SLC24A1: variants seen among roughly 807,000 people sequenced by gnomAD.
SLC24A1 encodes the protein solute carrier family 24 member 1.
In SLC24A1, 52 loss-of-function variants were observed where a neutral mutation model predicts 88.1. That is an observed-to-expected ratio of 0.59 (90% CI 0.47 to 0.74). The LOEUF is 0.74. SLC24A1 is among the 30% of genes least tolerant of loss of function. The pLI is 0.00. For missense variants in SLC24A1, 1,173 were observed against 1,363.3 expected, an observed-to-expected ratio of 0.86 and a Z score of 2.20; for synonymous variants, 455 against 498.0, an observed-to-expected ratio of 0.91 and a Z score of 1.15.
downstream of SLC24A1, chr15:65,660,322 T>C (rs967233077): frequency 2.6e-6 from 4 of 1,534,218 alleles, no homozygotes; most frequent in African/African-American, 1.4e-5. Context: ...TATTCACTAA[T>C]GGTGTGAACT....
In SLC24A1 at chr15:65,625,136, C is replaced by A. The variant is rs1214916429; in HGVS notation, c.1056C>A (p.Thr352=). ...AWSLRNPSPR[T]SVSAIKTAPA... is the part of the protein sequence containing the mutation. ...GTCTTAGGAATCCTTCACCCAGGAC[C>A]AGTGTATCAGCCATCAAAACAGCCC... Residue 352 remains threonine, a synonymous_variant, in exon 2 of 10, where the codon ACC becomes ACA. Transcript: ENST00000261892. 3.7e-6 allele frequency: 6 copies of A among 1,613,566 alleles called. No homozygotes were observed. The highest frequency in any genetic ancestry group is 5.1e-6 in the Non-Finnish European group (6 of 1,179,884).
intron 9 of SLC24A1, 87 bp downstream of exon 9, chr15:65,652,895 C>CT: frequency 9.2e-7 from 1 of 1,091,648 alleles, no homozygotes; most frequent in Non-Finnish European, 1.3e-6. Flanking sequence ...CTGCTTTATT[C>CT]ATTATACATA....
At chr15:65,637,800 A>C (rs531825082) in intron 2 of SLC24A1, among the ~76,000 whole-genome samples, 1 of 152,302 alleles carries the variant, frequency 6.6e-6, no homozygotes, top group East Asian at 1.9e-4. Flanking sequence ...GAGGAGGGAA[A>C]GAGCATTACG....
At chr15:65,644,632 CTG>C (rs2075245188) in intron 5 of SLC24A1, 119 bp downstream of exon 5, 1 of 676,578 alleles carries the variant, frequency 1.5e-6, no homozygotes. Context: ...TCTTTGGCCT[CTG>C]TGAGCCAGTC....
At position 65,650,339 on chromosome 15, in the gene SLC24A1, C is replaced by T. The variant is rs2075453261; in HGVS notation, c.2233-43C>T. The stretch of plus-strand genomic sequence containing the variant: ...GGGGGAGTAACATAAGGAAAACAAG[C>T]AGAGCAGTTACCACACATTAATCTG... On this transcript the variant is annotated intron_variant, in intron 6 of 9. Coordinates refer to ENST00000261892, the MANE Select transcript of SLC24A1 (RefSeq NM_004727.3). The surrounding 1 kb of genome is among the most constrained non-coding windows in gnomAD (Gnocchi z 4.1). The T allele has an allele frequency of 4.1e-6, 6 of 1,472,484 alleles. No individual in the cohort carries two copies. Among genetic ancestry groups the T allele is most frequent in the Non-Finnish European group, 5.5e-6 (6 of 1,087,760 alleles). 91.2% of individuals were successfully genotyped at this position (1,472,484 alleles called of 1,614,324 possible). A position where few individuals can be genotyped will look rare whatever the true frequency, so the allele number is the denominator to read the frequency against.
Position 65,656,104 on chromosome 15 carries a change from C to T in SLC24A1, c.*2025C>T, listed in dbSNP as rs2075674852. ...TGGGCACTAACCTGGTGTCTGCAGCCCGTTCCCGTTAGCCTCGGGGATGTC... is the reference window on the plus strand; with the variant it reads ...TGGGCACTAACCTGGTGTCTGCAGCTCGTTCCCGTTAGCCTCGGGGATGTC... On this transcript the variant is annotated 3_prime_UTR_variant, in exon 10 of 10. Coordinates refer to ENST00000261892, the MANE Select transcript of SLC24A1 (RefSeq NM_004727.3). The T allele has an allele frequency of 1.0e-6, 1 of 985,292 alleles. No homozygotes were observed. The highest frequency in any genetic ancestry group is 1.2e-6 in the Non-Finnish European group (1 of 829,954). The allele number at this position is 985,292 out of a possible 1,614,324, so 61.0% of individuals were successfully genotyped here. A position where few individuals can be genotyped will look rare whatever the true frequency, so the allele number is the denominator to read the frequency against.
chr15:65,647,309 C>A (rs899470643), intron 6 of SLC24A1, among the ~76,000 whole-genome samples: 8 of 151,824 alleles, frequency 5.3e-5, no homozygotes, highest in Non-Finnish European at 1.2e-4. Context: ...GAAACCCCAT[C>A]TCTACTAAAA....
At position 65,650,981 on chromosome 15, in the gene SLC24A1, A is replaced by G; in HGVS notation, c.2793+39A>G. ...TCTGTATCTCAGACTCTTTATCCCC[A>G]GCAGGGCTGTGGGGTCTCTCGGCAT... On this transcript the variant is annotated intron_variant, in intron 7 of 9. Coordinates refer to ENST00000261892, the MANE Select transcript of SLC24A1 (RefSeq NM_004727.3). This position sits in a 1 kb window ranked among gnomAD's most constrained non-coding sequence, Gnocchi z 4.1. 1 of 1,574,638 alleles carries G rather than the reference A, an allele frequency of 6.4e-7. No homozygotes were observed. The highest frequency in any genetic ancestry group is 8.7e-7 in the Non-Finnish European group (1 of 1,144,262).
downstream of SLC24A1, chr15:65,660,111 A>C: frequency 3.7e-6 from 2 of 535,974 alleles, no homozygotes; most frequent in Non-Finnish European, 3.3e-6. Flanking sequence ...AACATGAAGA[A>C]CAAGTAGAAC....
At chr15:65,640,336 G>A (rs1340494907) in intron 4 of SLC24A1, among the ~76,000 whole-genome samples, 2 of 152,208 alleles carry the variant, frequency 1.3e-5, no homozygotes, top group Admixed American at 6.5e-5. Flanking sequence ...AGTGGGGGCT[G>A]TTGTCCAATT....
Position 65,624,757 on chromosome 15 carries a change from C to T in SLC24A1, c.677C>T (p.Thr226Ile). ...ACAACAGTGAAAGACAGTGACATTA[C>T]AGCAACCTATAAAATACTCGAAACC... ...PRTTVKDSDI[T>I]ATYKILETNS... Residue 226 changes from threonine to isoleucine, a missense_variant, in exon 2 of 10, where the codon ACA (threonine) becomes ATA (isoleucine). Thr to Ile is a moderately conservative substitution (Grantham distance 89). Coordinates refer to ENST00000261892, the MANE Select transcript of SLC24A1 (RefSeq NM_004727.3). The T allele has an allele frequency of 6.2e-7, 1 of 1,613,728 alleles. No individual in the cohort carries two copies. Among genetic ancestry groups the T allele is most frequent in the Non-Finnish European group, 8.5e-7 (1 of 1,179,732 alleles).
chr15:65,645,230 A>C (rs1417759257), intron 5 of SLC24A1, among the ~76,000 whole-genome samples: 1 of 152,192 alleles, frequency 6.6e-6, no homozygotes, highest in Non-Finnish European at 1.5e-5. Flanking sequence ...TCCTGTTCCA[A>C]GGCTTCAAAA....
chr15:65,648,489 T>C (rs937709127), intron 6 of SLC24A1, among the ~76,000 whole-genome samples: 4 of 144,928 alleles, frequency 2.8e-5, no homozygotes, highest in South Asian at 2.1e-4. Flanking sequence ...TTTTATCTCT[T>C]TTTTTTTTTT....
rs868688061 is a variant in SLC24A1 at position 65,615,241 on chromosome 15, T to C, written c.-228+2628T>C. On this transcript the variant is annotated intron_variant, in intron 2 of 11. Transcript: ENST00000537259. ...AAACAAACAAACAAACAAAATGCTA[T>C]GAAGTCTAAATTTTTAAAGGCCCCT... Among the ~76,000 whole-genome samples, 4 of 151,888 alleles carry C rather than the reference T, an allele frequency of 2.6e-5. No individual in the cohort carries two copies. The South Asian group carries it at 6.2e-4, about 24-fold the overall frequency.
At position 65,652,756 on chromosome 15, in the gene SLC24A1, G is replaced by A. The variant is rs759077205; in HGVS notation, c.2998G>A (p.Asp1000Asn). Residue 1000 changes from aspartate (D) to asparagine (N), a missense_variant, in exon 9 of 10, where the codon GAC (aspartate) becomes AAC (asparagine). Physicochemically the swap from Asp to Asn is conservative, Grantham distance 23. Coordinates refer to ENST00000261892, the MANE Select transcript of SLC24A1 (RefSeq NM_004727.3). ...GATTGTCGCTCGAAAAGGCCTGGGA[G>A]ACATGGCTGTGTCAAGCTCTGTGGG... ...SVIVARKGLG[D>N]MAVSSSVGSN... The A allele has an allele frequency of 4.3e-6, 7 of 1,613,716 alleles. No individual in the cohort carries two copies. The highest frequency in any genetic ancestry group is 3.3e-4 in the Middle Eastern group (2 of 6,060).
chr15:65,637,531 T>C (rs1048430554), intron 2 of SLC24A1, among the ~76,000 whole-genome samples: 3 of 152,176 alleles, frequency 2.0e-5, no homozygotes, highest in African/African-American at 7.2e-5. Flanking sequence ...ATAGATTAAG[T>C]GTATTTAGAG....
In SLC24A1 at chr15:65,642,962, G is replaced by A. The variant is rs1482578416; in HGVS notation, c.2054-1465G>A. 4 of 1,283,340 alleles carry A rather than the reference G, an allele frequency of 3.1e-6. No individual in the cohort carries two copies. In the East Asian group the frequency reaches 1.7e-4, roughly 53 times the overall value. The allele number at this position is 1,283,340 out of a possible 1,614,324, so 79.5% of individuals were successfully genotyped here. A position where few individuals can be genotyped will look rare whatever the true frequency, so the allele number is the denominator to read the frequency against. ...GATCTCCAGGGTTCCTTCTAACTCG[G>A]ACCCTCTGGGATGCCGGGCATCATC... On this transcript the variant is annotated intron_variant, in intron 4 of 9. Transcript: ENST00000261892.
Position 65,648,668 on chromosome 15 carries a change from A to AT in SLC24A1, c.2233-1711dup, listed in dbSNP as rs561608320. Among the ~76,000 whole-genome samples the AT allele has an allele frequency of 8.1e-3, 1,216 of 150,098 alleles. 11 individuals carry two copies. The highest frequency in any genetic ancestry group is 0.029 in the South Asian group (139 of 4,720). ...CACCACGCCTGGCTAATTTTTATTT[A>AT]TTTATTTTTTTTAAGTAGATATGGG... On this transcript the variant is annotated intron_variant, in intron 6 of 9. Coordinates refer to ENST00000261892, the MANE Select transcript of SLC24A1 (RefSeq NM_004727.3).
upstream of SLC24A1, among the ~76,000 whole-genome samples, chr15:65,621,196 A>G (rs2074307141): frequency 6.6e-6 from 1 of 152,250 alleles, no homozygotes; most frequent in Admixed American, 6.5e-5. Context: ...AGGGGCAGTC[A>G]GTAAATGTCA....
Sources: gnomAD v4.1 joint callset for allele counts (sites outside exome capture counted in the v4.1 genomes callset) on GRCh38, gnomAD v4.1.1 for gene constraint, Gnocchi (gnomAD v3.1) non-coding constraint, MANE v1.5 for transcripts, NCBI Gene and HGNC (gene_info 2026-07-23, HGNC 2026-07-21) for gene names.